Variants in DNM2 observed in about 807,000 individuals in gnomAD.
The protein encoded by DNM2 is dynamin 2.
Under a neutral mutation model 99.0 loss-of-function variants are expected in DNM2, and 15 were observed. That is an observed-to-expected ratio of 0.15 (90% confidence interval 0.10 to 0.23). The LOEUF is 0.23. Among genes scored for constraint, DNM2 ranks in the 10% least tolerant of loss-of-function variants. The pLI is 1.00. For synonymous variants in DNM2, 525 were observed against 481.2 expected (o/e 1.09, Z -1.19); for missense variants, 742 against 1,189.4 (o/e 0.62, Z 5.53).
intron 2 of DNM2, among the ~76,000 whole-genome samples, chr19:10,761,164 T>G (rs537351139): frequency 7.9e-5 from 12 of 151,990 alleles, no homozygotes; most frequent in African/African-American, 2.9e-4. Flanking sequence ...AATTTTTGTA[T>G]TTTTAGTAGA....
At chr19:10,749,681 C>T (rs1049686189) in intron 1 of DNM2, among the ~76,000 whole-genome samples, 3 of 152,218 alleles carry the variant, frequency 2.0e-5, no homozygotes, top group African/African-American at 4.8e-5. Flanking sequence ...TTCTTCTTAC[C>T]CATTCAACAA....
chr19:10,736,345 C>T (rs1445968152), intron 1 of DNM2, among the ~76,000 whole-genome samples: 1 of 152,066 alleles, frequency 6.6e-6, no homozygotes, highest in African/African-American at 2.4e-5. Context: ...AACTACTGGG[C>T]TGGTGATGCT....
intron 7 of DNM2, among the ~76,000 whole-genome samples, chr19:10,789,571 G>A (rs1161881749): frequency 1.3e-5 from 2 of 151,916 alleles, no homozygotes; most frequent in Non-Finnish European, 1.5e-5. Context: ...GATGGTTCAC[G>A]CCTGTATTCC....
chr19:10,820,142 T>C lies in DNM2; in HGVS notation c.1781+53T>C. 6.5e-7 allele frequency: 1 copy of C among 1,549,230 alleles called. No individual in the cohort carries two copies. The highest frequency in any genetic ancestry group is 8.9e-7 in the Non-Finnish European group (1 of 1,122,080). On this transcript the variant is annotated intron_variant, in intron 16 of 20. Coordinates refer to ENST00000389253, the MANE Select transcript of DNM2 (RefSeq NM_001005361.3). This position sits in a 1 kb window ranked among gnomAD's most constrained non-coding sequence, Gnocchi z 4.3. ...CTCGGGGTGAAGACCAATGGCCTCATTCACACTCCACAACCTTCACTGAGC... is the reference window on the plus strand; with the variant it reads ...CTCGGGGTGAAGACCAATGGCCTCACTCACACTCCACAACCTTCACTGAGC...
In DNM2 at chr19:10,820,358, C is replaced by T. The variant is rs1342358732; in HGVS notation, c.1781+269C>T. Among the ~76,000 whole-genome samples, 1 of 152,220 alleles carries T rather than the reference C, an allele frequency of 6.6e-6. No individual in the cohort carries two copies. The highest frequency in any genetic ancestry group is 1.9e-4 in the East Asian group (1 of 5,196). ...TGGAGAGTTCTGAGCACAGGGTGAC[C>T]AGGACCTGGCTCAGGTGCTTGCAGG... On this transcript the variant is annotated intron_variant, in intron 16 of 20. Transcript: ENST00000389253. This position sits in a 1 kb window ranked among gnomAD's most constrained non-coding sequence, Gnocchi z 4.3.
chr19:10,796,314 G>A lies in DNM2; in HGVS notation c.1196+875G>A, dbSNP rs958100245. On this transcript the variant is annotated intron_variant, in intron 9 of 20. Coordinates refer to ENST00000389253, the MANE Select transcript of DNM2 (RefSeq NM_001005361.3). The surrounding 1 kb of genome is among the most constrained non-coding windows in gnomAD (Gnocchi z 5.6). Reference sequence around the variant, plus strand: ...CACTGGTGCCTTTTCTCCCCATATCGCTTTGTGTCCGTGAACTTGGCCTCT... The same window carrying A: ...CACTGGTGCCTTTTCTCCCCATATCACTTTGTGTCCGTGAACTTGGCCTCT... 1.7e-5 allele frequency: 25 copies of A among 1,507,022 alleles called. No homozygotes were observed. The highest frequency in any genetic ancestry group is 2.2e-5 in the Non-Finnish European group (24 of 1,092,990). The allele number at this position is 1,507,022 out of a possible 1,614,324, so 93.4% of individuals were successfully genotyped here.
At chr19:10,814,573 T>C (rs946618124) in intron 15 of DNM2, among the ~76,000 whole-genome samples, 1 of 152,210 alleles carries the variant, frequency 6.6e-6, no homozygotes, top group African/African-American at 2.4e-5. Context: ...ACTGTATGTT[T>C]GTACCCATTA....
chr19:10,732,300 A>G lies in DNM2; in HGVS notation c.161+13897A>G, dbSNP rs542901981. Among the ~76,000 whole-genome samples, 84 of 91,884 alleles carry G rather than the reference A, an allele frequency of 9.1e-4. 2 individuals carry two copies. The South Asian group carries it at 0.019, about 21-fold the overall frequency. The allele number at this position is 91,884 out of a possible 152,430, so 60.3% of individuals were successfully genotyped here. ...ATTCAACTGTTTACTCGTTGTGGAGAAAAAAAAAAAAAAAAAAACAGGCCG... is the reference window on the plus strand; with the variant it reads ...ATTCAACTGTTTACTCGTTGTGGAGGAAAAAAAAAAAAAAAAAACAGGCCG... On this transcript the variant is annotated intron_variant, in intron 1 of 20. Transcript: ENST00000389253.
chr19:10,750,604 A>C (rs2070158335), intron 1 of DNM2, among the ~76,000 whole-genome samples: 2 of 152,124 alleles, frequency 1.3e-5, no homozygotes, highest in African/African-American at 4.8e-5. Flanking sequence ...TGTGCTGCTG[A>C]TGCAGCCTGG....
chr19:10,795,905 CTGAGGGTTTCCG>C lies in DNM2; in HGVS notation c.1196+467_1196+478del. On this transcript the variant is annotated intron_variant, in intron 9 of 20. Coordinates refer to ENST00000389253, the MANE Select transcript of DNM2 (RefSeq NM_001005361.3). The surrounding 1 kb of genome is among the most constrained non-coding windows in gnomAD (Gnocchi z 4.2). Reference sequence around the variant, plus strand: ...ATCGCCGTGGGGTCCTCGGGTCACCCTGAGGGTTTCCGGGCAGTGGACTCAGGCATCCGACCC... The same window carrying C: ...ATCGCCGTGGGGTCCTCGGGTCACCCGGCAGTGGACTCAGGCATCCGACCC... 7.7e-7 allele frequency: 1 copy of C among 1,293,640 alleles called. No homozygotes were observed. The highest frequency in any genetic ancestry group is 1.1e-6 in the Non-Finnish European group (1 of 905,030). The allele number at this position is 1,293,640 out of a possible 1,614,324, so 80.1% of individuals were successfully genotyped here. A position where few individuals can be genotyped will look rare whatever the true frequency, so the allele number is the denominator to read the frequency against.
chr19:10,810,310 TG>T (rs1481999635), intron 14 of DNM2: 1 of 152,578 alleles, frequency 6.6e-6, no homozygotes, highest in African/African-American at 2.4e-5. Flanking sequence ...CCCATTGGGA[TG>T]TGTCCCTTGG....
intron 5 of DNM2, chr19:10,780,365 AG>A (rs1337448461): frequency 6.6e-6 from 1 of 152,556 alleles, no homozygotes; most frequent in African/African-American, 2.4e-5. Flanking sequence ...GGACACTGTT[AG>A]GCCTCCATCT....
rs1382989498 is a variant in DNM2 at position 10,812,445 on chromosome 19, C to T, written c.1671+68C>T. Reference sequence around the variant, plus strand: ...AGCCAGGGAAGAGCGGGTGGGCGCTCCCTCTGGGCAGAACTCAGTCACTGC... The same window carrying T: ...AGCCAGGGAAGAGCGGGTGGGCGCTTCCTCTGGGCAGAACTCAGTCACTGC... On this transcript the variant is annotated intron_variant, in intron 15 of 20. Coordinates refer to ENST00000389253, the MANE Select transcript of DNM2 (RefSeq NM_001005361.3). This position sits in a 1 kb window ranked among gnomAD's most constrained non-coding sequence, Gnocchi z 4.0. 1.3e-5 allele frequency: 18 copies of T among 1,342,926 alleles called. No homozygotes were observed. The highest frequency in any genetic ancestry group is 1.9e-5 in the Non-Finnish European group (18 of 966,088). The allele number at this position is 1,342,926 out of a possible 1,614,324, so 83.2% of individuals were successfully genotyped here. A position where few individuals can be genotyped will look rare whatever the true frequency, so the allele number is the denominator to read the frequency against.
At chr19:10,767,975 T>C (rs529270938) in intron 2 of DNM2, among the ~76,000 whole-genome samples, 4 of 152,174 alleles carry the variant, frequency 2.6e-5, no homozygotes, top group Non-Finnish European at 5.9e-5. Context: ...CAGGGAGCCC[T>C]GTGAAGAAAG....
At chr19:10,801,925 CAAA>C (rs141535708) in intron 11 of DNM2, among the ~76,000 whole-genome samples, 2 of 144,276 alleles carry the variant, frequency 1.4e-5, no homozygotes, top group Non-Finnish European at 3.1e-5. Context: ...AAAAAAAAAA[CAAA>C]AAAAACAACT....
At chr19:10,721,556 G>T (rs544659848) in intron 1 of DNM2, among the ~76,000 whole-genome samples, 11 of 152,246 alleles carry the variant, frequency 7.2e-5, no homozygotes, top group African/African-American at 2.6e-4. Context: ...TTTTGGGGGG[G>T]TGTAAGAGAT....
intron 1 of DNM2, among the ~76,000 whole-genome samples, chr19:10,752,609 G>C (rs969389593): frequency 6.6e-6 from 1 of 152,252 alleles, no homozygotes; most frequent in African/African-American, 2.4e-5. Context: ...CAGGTGCCCT[G>C]GTGGTTAGAC....
rs147228617 is a variant in DNM2, at chr19:10,800,900, C to CGT, written c.1423-1376_1423-1375dup. ...GACCTTTCTAGCTTGATAGCTTGAG[C>CGT]GTGTGTGTGTGTGCGCGCGTGCACG... On this transcript the variant is annotated intron_variant, in intron 11 of 20. Transcript: ENST00000389253. 2.0e-4 allele frequency among the ~76,000 whole-genome samples: 30 copies of CGT among 152,186 alleles called. 1 individual carries two copies. Among genetic ancestry groups the CGT allele is most frequent in the African/African-American group, 5.8e-4 (24 of 41,530 alleles).
At chr19:10,813,282 A>G (rs1233707338) in intron 15 of DNM2, among the ~76,000 whole-genome samples, 1 of 152,158 alleles carries the variant, frequency 6.6e-6, no homozygotes, top group Non-Finnish European at 1.5e-5. Context: ...ACTGCGAGTG[A>G]GGGGGCAGGC....
Sources: allele counts gnomAD v4.1 joint callset (sites outside exome capture counted in the v4.1 genomes callset), GRCh38; gene constraint gnomAD v4.1.1; non-coding constraint Gnocchi (gnomAD v3.1); transcripts MANE v1.5; gene names NCBI Gene and HGNC (gene_info 2026-07-23, HGNC 2026-07-21).